The following PALD1 variants were observed in gnomAD, a reference collection of about 807,000 sequenced individuals.
PALD1 encodes the protein phosphatase domain containing paladin 1, also known as paladin.
A neutral mutation model predicts 96.0 loss-of-function variants in PALD1; 57 were observed. That is an observed-to-expected ratio of 0.59 (90% CI 0.48 to 0.74). The LOEUF (loss-of-function observed/expected upper bound fraction) is 0.74. Among genes scored for constraint, PALD1 ranks in the 30% least tolerant of loss-of-function variants. The pLI is 0.00. For missense variants in PALD1, 1,063 were observed against 1,143.7 expected, an observed-to-expected ratio of 0.93 and a Z score of 1.02; for synonymous variants, 464 against 473.6, an observed-to-expected ratio of 0.98 and a Z score of 0.26.
In PALD1 at chr10:70,541,147, G is replaced by A. The variant is rs758696678; in HGVS notation, c.1954G>A (p.Asp652Asn). The A allele has an allele frequency of 5.2e-5, 84 of 1,613,440 alleles. 1 individual carries two copies. In the South Asian group the frequency reaches 8.9e-4, roughly 17 times the overall value. The stretch of plus-strand genomic sequence containing the variant: ...GGCCCTGCGGGCCGCCCTCTCCAAG[G>A]ACCCAGGCACTGGCTTCGTGTTCAG... ...LEALRAALSK[D>N]PGTGFVFSCL... The change falls in exon 16 of 20, where the codon GAC becomes AAC. Residue 652 changes from aspartate to asparagine, a missense_variant. Transcript: ENST00000263563.
intron 2 of PALD1, among the ~76,000 whole-genome samples, chr10:70,526,812 C>A (rs370815421): frequency 6.6e-6 from 1 of 152,206 alleles, no homozygotes; most frequent in Admixed American, 6.5e-5. Flanking sequence ...GTACTTTCCA[C>A]ACCTCTGCCC....
intron 10 of PALD1, among the ~76,000 whole-genome samples, chr10:70,537,553 GGGGAGACCA>G (rs1318265143): frequency 6.6e-6 from 1 of 152,216 alleles, no homozygotes; most frequent in African/African-American, 2.4e-5. Flanking sequence ...GAGCCTGCTT[GGGGAGACCA>G]GCCCTGCACC....
chr10:70,497,044 A>AAGCAGC (rs895079867), intron 1 of PALD1, among the ~76,000 whole-genome samples: 49 of 152,314 alleles, frequency 3.2e-4, no homozygotes, highest in African/African-American at 1.1e-3. Flanking sequence ...CGTGCCCACG[A>AAGCAGC]AGCAGCAGTC....
chr10:70,515,906 C>T (rs763874828), intron 1 of PALD1, among the ~76,000 whole-genome samples: 6 of 152,148 alleles, frequency 3.9e-5, no homozygotes, highest in African/African-American at 1.4e-4. Context: ...AGTTGCCACT[C>T]CTGCAAGCCC....
At chr10:70,548,400 T>C (rs1375971411) in intron 18 of PALD1, among the ~76,000 whole-genome samples, 1 of 152,154 alleles carries the variant, frequency 6.6e-6, no homozygotes, top group Non-Finnish European at 1.5e-5. Flanking sequence ...GGGTCCCCAA[T>C]ACTCCCTGCT....
intron 18 of PALD1, among the ~76,000 whole-genome samples, chr10:70,552,852 A>G (rs1847508670): frequency 6.6e-6 from 1 of 152,158 alleles, no homozygotes; most frequent in African/African-American, 2.4e-5. Flanking sequence ...CATTTGGTTG[A>G]CGTGGCCCTA....
chr10:70,538,082 C>T (rs531048445), intron 11 of PALD1, among the ~76,000 whole-genome samples, 176 bp downstream of exon 11: 2 of 152,328 alleles, frequency 1.3e-5, no homozygotes, highest in African/African-American at 2.4e-5. Flanking sequence ...TAGGGAGGCC[C>T]CACCTCTTTC....
chr10:70,487,864 T>G (rs1386653760), intron 1 of PALD1, among the ~76,000 whole-genome samples: 1 of 152,210 alleles, frequency 6.6e-6, no homozygotes. Flanking sequence ...GGCCCTATGC[T>G]CCCTTGTAGC....
chr10:70,459,702 A>T, the PALD1 span, among the ~76,000 whole-genome samples: 2 of 152,234 alleles, frequency 1.3e-5, no homozygotes, highest in Admixed American at 1.3e-4. Flanking sequence ...AGCTGTCCTC[A>T]TCTGAGTTAG....
At chr10:70,546,224 G>T (rs923176207) in intron 17 of PALD1, among the ~76,000 whole-genome samples, 1 of 152,108 alleles carries the variant, frequency 6.6e-6, no homozygotes, top group Non-Finnish European at 1.5e-5. Context: ...GTGACAGGGC[G>T]AGACTCCATC....
In PALD1 at chr10:70,539,731, C is replaced by T; in HGVS notation, c.1877C>T (p.Pro626Leu). Residue 626 changes from proline (P) to leucine (L), a missense_variant, in exon 15 of 20, where the codon CCC (proline) becomes CTC (leucine). Pro to Leu is a moderately conservative substitution (Grantham distance 98). Coordinates refer to ENST00000263563, the MANE Select transcript of PALD1 (RefSeq NM_014431.3). This position sits in a 1 kb window ranked among gnomAD's most constrained non-coding sequence, Gnocchi z 4.5. ...ACPGLTYHRI[P>L]MPDFCAPREE... ...CCTGGCCTCACCTACCACCGCATCC[C>T]CATGCCGGACTTCTGTGCCCCCCGA... 1.2e-6 allele frequency: 2 copies of T among 1,612,566 alleles called. No homozygotes were observed. Among genetic ancestry groups the T allele is most frequent in the South Asian group, 1.1e-5 (1 of 90,932 alleles).
In PALD1 at chr10:70,539,836, C is replaced by G. The variant is rs751780588; in HGVS notation, c.1908+74C>G. Reference sequence around the variant, plus strand: ...CCCTGTCTCCCCTCTGGTCTGGGCTCTGGGAGAATGAAACGACCCCAGCTT... The same window carrying G: ...CCCTGTCTCCCCTCTGGTCTGGGCTGTGGGAGAATGAAACGACCCCAGCTT... On this transcript the variant is annotated intron_variant, in intron 15 of 19. Transcript: ENST00000263563. This position sits in a 1 kb window ranked among gnomAD's most constrained non-coding sequence, Gnocchi z 4.5. 259 of 1,356,080 alleles carry G rather than the reference C, an allele frequency of 1.9e-4. No individual in the cohort carries two copies. Among genetic ancestry groups the G allele is most frequent in the Non-Finnish European group, 2.5e-4 (252 of 990,398 alleles). The allele number at this position is 1,356,080 out of a possible 1,614,324, so 84.0% of individuals were successfully genotyped here.
upstream of PALD1, among the ~76,000 whole-genome samples, chr10:70,478,172 G>A (rs958351297): frequency 6.6e-6 from 1 of 152,214 alleles, no homozygotes; most frequent in Non-Finnish European, 1.5e-5. Context: ...CGAGGGGCGC[G>A]TTTCCTTAGG....
intron 18 of PALD1, among the ~76,000 whole-genome samples, chr10:70,553,100 G>A (rs1002137588): frequency 3.3e-5 from 5 of 152,154 alleles, no homozygotes; most frequent in African/African-American, 7.2e-5. Context: ...AGATCCTGTC[G>A]TCTCTCCTAT....
At chr10:70,530,431 C>G (rs1282506841) in intron 4 of PALD1, among the ~76,000 whole-genome samples, 8 of 152,080 alleles carry the variant, frequency 5.3e-5, no homozygotes, top group Non-Finnish European at 1.0e-4. Context: ...GATGTTAGCC[C>G]TGTGATGGAG....
intron 11 of PALD1, 86 bp downstream of exon 11, chr10:70,537,992 G>A (rs1156542341): frequency 1.9e-6 from 2 of 1,045,254 alleles, no homozygotes; most frequent in East Asian, 4.8e-5. Context: ...TGCTGTGGAG[G>A]GAGACCCCCC....
chr10:70,529,455 C>A, intron 3 of PALD1, 124 bp downstream of exon 3: 1 of 626,396 alleles, frequency 1.6e-6, no homozygotes, highest in Non-Finnish European at 2.9e-6. Context: ...ATTTTCAGAA[C>A]GGGCAGGGCC....
intron 17 of PALD1, among the ~76,000 whole-genome samples, chr10:70,544,984 G>A (rs1270891404): frequency 6.6e-6 from 1 of 152,262 alleles, no homozygotes; most frequent in Non-Finnish European, 1.5e-5. Flanking sequence ...GTGGCAGCCA[G>A]AGAGAGAAGA....
At chr10:70,547,914 C>T (rs896477985) in intron 18 of PALD1, among the ~76,000 whole-genome samples, 4 of 152,078 alleles carry the variant, frequency 2.6e-5, no homozygotes, top group African/African-American at 4.8e-5. Flanking sequence ...CATCTCAGGA[C>T]GTGGGTATGT....
Sources: gnomAD v4.1 joint callset for allele counts (sites outside exome capture counted in the v4.1 genomes callset) on GRCh38, gnomAD v4.1.1 for gene constraint, Gnocchi (gnomAD v3.1) non-coding constraint, MANE v1.5 for transcripts, NCBI Gene and HGNC (gene_info 2026-07-23, HGNC 2026-07-21) for gene names.